CASK: variants seen among roughly 807,000 people sequenced by gnomAD.
CASK encodes peripheral plasma membrane protein CASK.
A neutral mutation model predicts 82.9 loss-of-function variants in CASK; 4 were observed. The ratio of observed to expected loss-of-function variants is 0.05; its 90% confidence interval spans 0.02 to 0.11. The LOEUF (loss-of-function observed/expected upper bound fraction) is 0.11, where lower values mean the gene tolerates loss of function less well. CASK is among the 10% of genes least tolerant of loss of function. CASK has a pLI of 1.00. For synonymous variants in CASK, 259 were observed against 253.5 expected (o/e 1.02, Z -0.20); for missense variants, 358 against 720.9 (o/e 0.50, Z 5.76).
chrX:41,538,187 C>T (rs977674230), intron 22 of CASK, among the ~76,000 whole-genome samples: 1 of 111,189 alleles, frequency 9.0e-6, no homozygotes, highest in Non-Finnish European at 1.9e-5. Context: ...AGTTTATGGG[C>T]TACTTTTTGT....
chrX:41,786,126 C>G (rs761162933), intron 3 of CASK, among the ~76,000 whole-genome samples: 2 of 111,631 alleles, frequency 1.8e-5, no homozygotes, highest in Admixed American at 1.9e-4. Context: ...TGTAGTGGAG[C>G]CTCAAAATGA....
chrX:41,559,016 G>A (rs1602260184), intron 18 of CASK: 1 of 111,694 alleles, frequency 9.0e-6, no homozygotes, highest in Admixed American at 9.5e-5. Context: ...AATAACACTC[G>A]AGCTGAACGT....
In CASK at chrX:41,614,654, G is replaced by A. The variant is rs919708838; in HGVS notation, c.1034-4629C>T. ...CTCCTGCCTCAGCATCCTGAGTAGC[G>A]GGGATTACAGGTGCGTGCCAACACG... On this transcript the variant is annotated intron_variant, in intron 11 of 26. Transcript: ENST00000378163. Among the ~76,000 whole-genome samples, 5 of 109,886 alleles carry A rather than the reference G, an allele frequency of 4.6e-5. No individual in the cohort carries two copies. In the Admixed American group the frequency reaches 4.8e-4, roughly 11 times the overall value.
chrX:41,729,806 A>ATATATG (rs1491211778), intron 5 of CASK: 1 of 88,115 alleles, frequency 1.1e-5, no homozygotes, highest in Non-Finnish European at 2.4e-5. Context: ...ATATATATAT[A>ATATATG]TGTATGTATG....
rs751447120 is a variant in CASK, at chrX:41,559,853, G to T, written c.1669-6C>A. 1.8e-5 allele frequency: 22 copies of T among 1,190,655 alleles called. No individual in the cohort carries two copies. Among genetic ancestry groups the T allele is most frequent in the Admixed American group, 1.5e-4 (7 of 45,665 alleles). ...ATACTCCCCCGCATTTCCCTCTGGA[G>T]GGGGGGTGGTGGGAAAGAAAGAAAA... On this transcript the variant is annotated splice_region_variant and splice_polypyrimidine_tract_variant and intron_variant, in intron 17 of 26. Transcript: ENST00000378163.
At chrX:41,827,400 T>C (rs758950088) in intron 2 of CASK, among the ~76,000 whole-genome samples, 74 of 111,833 alleles carry the variant, frequency 6.6e-4, no homozygotes, top group Admixed American at 1.9e-3. Flanking sequence ...GCAGATCTGG[T>C]ATCTAATGCA....
intron 11 of CASK, among the ~76,000 whole-genome samples, chrX:41,616,459 T>C (rs764837747): frequency 2.7e-5 from 3 of 111,627 alleles, no homozygotes; most frequent in Non-Finnish European, 5.6e-5. Context: ...CTTCAAAGTC[T>C]ATGTTTTGCC....
chrX:41,783,702 T>TGA lies in CASK; in HGVS notation c.278+3474_278+3475dup, dbSNP rs749328964. On this transcript the variant is annotated intron_variant, in intron 3 of 26. Transcript: ENST00000378163. ...TTCTAGTGAGAAACTACATAGTCTGTGAGACAGGCTGCTTCATTCATGGAG... is the reference window on the plus strand; with the variant it reads ...TTCTAGTGAGAAACTACATAGTCTGTGAGAGACAGGCTGCTTCATTCATGGAG... Among the ~76,000 whole-genome samples, 966 of 111,843 alleles carry TGA rather than the reference T, an allele frequency of 8.6e-3. 13 individuals are homozygous for TGA. The highest frequency in any genetic ancestry group is 0.03 in the African/African-American group (932 of 30,816).
chrX:41,777,632 T>C (rs2069390642), intron 3 of CASK, among the ~76,000 whole-genome samples: 1 of 111,326 alleles, frequency 9.0e-6, no homozygotes, highest in African/African-American at 3.3e-5. Context: ...AAGAAGGGGA[T>C]TATCATGAGA....
chrX:41,874,903 C>A (rs1338020228), intron 1 of CASK, among the ~76,000 whole-genome samples: 1 of 112,614 alleles, frequency 8.9e-6, no homozygotes, highest in Non-Finnish European at 1.9e-5. Flanking sequence ...GCTCAAGATA[C>A]TCTTAGCTCT....
chrX:41,541,776 T>G (rs2064949208), intron 22 of CASK, among the ~76,000 whole-genome samples: 1 of 112,157 alleles, frequency 8.9e-6, no homozygotes, highest in Non-Finnish European at 1.9e-5. Flanking sequence ...TTCACTTGAT[T>G]TTTTGGGCCA....
At chrX:41,647,329 A>G (rs934707483) in intron 8 of CASK, among the ~76,000 whole-genome samples, 2 of 112,298 alleles carry the variant, frequency 1.8e-5, no homozygotes, top group Non-Finnish European at 3.8e-5. Context: ...TAAAGAAGAT[A>G]ATTTATCATT....
intron 3 of CASK, among the ~76,000 whole-genome samples, chrX:41,756,338 T>C (rs965629972): frequency 7.1e-5 from 8 of 112,391 alleles, no homozygotes; most frequent in Non-Finnish European, 1.5e-4. Flanking sequence ...AAATGTGTGC[T>C]TATGTGGACC....
chrX:41,708,007 A>G (rs1455012898), intron 5 of CASK, among the ~76,000 whole-genome samples: 1 of 108,881 alleles, frequency 9.2e-6, no homozygotes, highest in Non-Finnish European at 1.9e-5. Flanking sequence ...AATCCCAGCT[A>G]CTCGGGAGGC....
chrX:41,918,454 T>C lies in CASK; in HGVS notation c.59+4476A>G, dbSNP rs1435784980. Among the ~76,000 whole-genome samples the C allele has an allele frequency of 4.4e-5, 5 of 112,405 alleles. No individual in the cohort carries two copies. In the Admixed American group the frequency reaches 4.7e-4, roughly 11 times the overall value. On this transcript the variant is annotated intron_variant, in intron 1 of 26. Coordinates refer to ENST00000378163, the MANE Select transcript of CASK (RefSeq NM_001367721.1). ...AGAGTGTATGTACAAACACAATCCA[T>C]ACTAAACTGATAAATTTCTTCATAT...
At chrX:41,548,301 T>C (rs148333771) in intron 21 of CASK, among the ~76,000 whole-genome samples, 352 of 111,763 alleles carry the variant, frequency 3.1e-3, no homozygotes, top group African/African-American at 0.011. Context: ...CTTTTTAATA[T>C]ATTACTGGAT....
At chrX:41,750,856 G>A (rs922125534) in intron 3 of CASK, among the ~76,000 whole-genome samples, 11 of 111,529 alleles carry the variant, frequency 9.9e-5, no homozygotes, top group African/African-American at 2.0e-4. Flanking sequence ...ACAAAATCAC[G>A]TGCTATGATT....
At chrX:41,609,644 G>A (rs1293156951) in intron 12 of CASK, among the ~76,000 whole-genome samples, 1 of 107,855 alleles carries the variant, frequency 9.3e-6, no homozygotes, top group Admixed American at 1.0e-4. Flanking sequence ...TCCGCCTCCC[G>A]GGTTCAAGTG....
At position 41,810,861 on chromosome X, in the gene CASK, A is replaced by T. The variant is rs187162189; in HGVS notation, c.173-23578T>A. 4.2e-3 allele frequency among the ~76,000 whole-genome samples: 467 copies of T among 111,879 alleles called. 2 individuals carry two copies. Among genetic ancestry groups the T allele is most frequent in the African/African-American group, 0.013 (405 of 30,810 alleles). ...ACATCTCACGTGCAGAGACACACAT[A>T]GGCTCAAAATAAAGGATGGAGGAAG... On this transcript the variant is annotated intron_variant, in intron 2 of 26. Transcript: ENST00000378163.
Sources: gnomAD v4.1 joint callset for allele counts (sites outside exome capture counted in the v4.1 genomes callset) on GRCh38, gnomAD v4.1.1 for gene constraint, MANE v1.5 for transcripts, NCBI Gene and HGNC (gene_info 2026-07-23, HGNC 2026-07-21) for gene names.